Variants in NAA15 observed in about 807,000 individuals in gnomAD.
The protein encoded by NAA15 is N-terminal acetyltransferase.
A neutral mutation model predicts 114.0 loss-of-function variants in NAA15; 34 were observed. The observed-to-expected ratio is 0.30, with a 90% CI of 0.23 to 0.40. The LOEUF (loss-of-function observed/expected upper bound fraction) is 0.40, where lower values mean the gene tolerates loss of function less well. Ranked by LOEUF, NAA15 falls within the 10% of genes least tolerant of loss-of-function variation. The probability of loss-of-function intolerance (pLI) is 1.00; values close to 1 mark genes in which losing one functional copy is unlikely to be tolerated. For synonymous variants in NAA15, 340 were observed against 338.0 expected, an observed-to-expected ratio of 1.01 and a Z score of -0.06; for missense variants, 658 against 1,004.5, an observed-to-expected ratio of 0.66 and a Z score of 4.66.
intron 1 of NAA15, among the ~76,000 whole-genome samples, chr4:139,314,990 GTTCA>G (rs1746335687): frequency 4.5e-5 from 3 of 67,184 alleles, no homozygotes; most frequent in African/African-American, 7.6e-5. Context: ...GAAGCGTTCA[GTTCA>G]GTTCAGTTTA....
intron 16 of NAA15, among the ~76,000 whole-genome samples, chr4:139,377,309 G>T (rs1748617400): frequency 6.6e-6 from 1 of 152,152 alleles, no homozygotes; most frequent in South Asian, 2.1e-4. Flanking sequence ...GGCCGAGGCA[G>T]GTGGATCACC....
intron 1 of NAA15, among the ~76,000 whole-genome samples, chr4:139,304,586 T>C (rs1170606150): frequency 6.6e-6 from 1 of 152,260 alleles, no homozygotes; most frequent in Non-Finnish European, 1.5e-5. Context: ...AGATTACTTA[T>C]AATACCTAAT....
At chr4:139,340,191 G>A (rs571541369) in intron 3 of NAA15, among the ~76,000 whole-genome samples, 1 of 152,160 alleles carries the variant, frequency 6.6e-6, no homozygotes, top group South Asian at 2.1e-4. Context: ...GCATGCTGGT[G>A]TGTGCCTGTA....
At chr4:139,376,007 G>T (rs574664120) in intron 15 of NAA15, among the ~76,000 whole-genome samples, 91 of 152,168 alleles carry the variant, frequency 6.0e-4, no homozygotes, top group African/African-American at 2.1e-3. Context: ...TTCTGTCATG[G>T]TCTCTGTAGT....
chr4:139,315,759 TTC>T (rs1011312730), intron 1 of NAA15, among the ~76,000 whole-genome samples: 5 of 151,880 alleles, frequency 3.3e-5, no homozygotes, highest in Non-Finnish European at 5.9e-5. Flanking sequence ...GGGTCTTATA[TTC>T]TGTTTGATGT....
At chr4:139,343,694 C>G (rs1000071133) in intron 5 of NAA15, among the ~76,000 whole-genome samples, 1 of 152,204 alleles carries the variant, frequency 6.6e-6, no homozygotes, top group Admixed American at 6.5e-5. Flanking sequence ...TCAGTTCGTT[C>G]CATTTGATTA....
chr4:139,312,262 T>G (rs550613229), intron 1 of NAA15, among the ~76,000 whole-genome samples: 2 of 152,096 alleles, frequency 1.3e-5, no homozygotes, highest in South Asian at 4.1e-4. Flanking sequence ...GTGAAGAGGC[T>G]TAAATTCAGT....
At chr4:139,350,833 A>G (rs903810665) in intron 7 of NAA15, among the ~76,000 whole-genome samples, 1 of 152,210 alleles carries the variant, frequency 6.6e-6, no homozygotes, top group Admixed American at 6.5e-5. Flanking sequence ...ATTGAATGGA[A>G]GAGAGGCCAT....
At chr4:139,307,583 T>C (rs910884844) in intron 1 of NAA15, among the ~76,000 whole-genome samples, 3 of 152,226 alleles carry the variant, frequency 2.0e-5, no homozygotes, top group African/African-American at 7.2e-5. Context: ...CATGTAATTA[T>C]TGCACACTTG....
chr4:139,378,946 G>T (rs1402153327), intron 17 of NAA15, 92 bp downstream of exon 17: 3 of 781,606 alleles, frequency 3.8e-6, no homozygotes, highest in Non-Finnish European at 6.1e-6. Flanking sequence ...TAAACCAAAT[G>T]ATTTTAAAGC....
intron 1 of NAA15, among the ~76,000 whole-genome samples, chr4:139,315,006 T>TTTAGTTTAGTTTAGGTTAGTTTAGG (rs773285130): frequency 0.024 from 2,461 of 101,334 alleles, 104 homozygotes; most frequent in Middle Eastern, 0.066. Context: ...TTCAGTTTAG[T>TTTAGTTTAGTTTAGGTTAGTTTAGG]TTAGGTTAGG....
At chr4:139,304,022 A>G (rs929180606) in intron 1 of NAA15, among the ~76,000 whole-genome samples, 3 of 152,190 alleles carry the variant, frequency 2.0e-5, no homozygotes, top group East Asian at 1.9e-4. Flanking sequence ...GGTTGACGCC[A>G]TTCTCCTGCC....
In NAA15 at chr4:139,330,895, C is replaced by T. The variant is rs575125813; in HGVS notation, c.55-3279C>T. The stretch of plus-strand genomic sequence containing the variant: ...GCTGTAGTGTGAACTTAATTGATTT[C>T]TTCATGCTAAAATGTGAAATTTTAC... On this transcript the variant is annotated intron_variant, in intron 1 of 19. Coordinates refer to ENST00000296543, the MANE Select transcript of NAA15 (RefSeq NM_057175.5). Among the ~76,000 whole-genome samples the T allele has an allele frequency of 2.6e-5, 4 of 152,236 alleles. No homozygotes were observed. In the East Asian group the frequency reaches 5.8e-4, roughly 22 times the overall value.
chr4:139,385,933 C>T (rs370671905), intron 18 of NAA15, among the ~76,000 whole-genome samples, 200 bp from the exon 19 acceptor site: 1 of 152,132 alleles, frequency 6.6e-6, no homozygotes, highest in African/African-American at 2.4e-5. Context: ...CTCTATTGTT[C>T]TCTTTCTTTG....
At chr4:139,324,465 A>G (rs1388747453) in intron 1 of NAA15, among the ~76,000 whole-genome samples, 1 of 152,222 alleles carries the variant, frequency 6.6e-6, no homozygotes, top group Non-Finnish European at 1.5e-5. Context: ...GTAGACCTGT[A>G]TTTCTGTTTA....
At chr4:139,306,289 G>C (rs1283339549) in intron 1 of NAA15, among the ~76,000 whole-genome samples, 2 of 152,154 alleles carry the variant, frequency 1.3e-5, no homozygotes, top group East Asian at 1.9e-4. Context: ...ACCCAGGCTG[G>C]AGTGCAGTGG....
At chr4:139,317,755 A>T (rs1379396293) in intron 1 of NAA15, among the ~76,000 whole-genome samples, 1 of 152,204 alleles carries the variant, frequency 6.6e-6, no homozygotes, top group Non-Finnish European at 1.5e-5. Context: ...GTTTTGTATA[A>T]TTGGATAATT....
chr4:139,348,264 G>A (rs1458977821), intron 6 of NAA15, among the ~76,000 whole-genome samples: 2 of 151,982 alleles, frequency 1.3e-5, no homozygotes, highest in African/African-American at 2.4e-5. Flanking sequence ...GACCAGCCTG[G>A]GCAAAATGGC....
intron 1 of NAA15, among the ~76,000 whole-genome samples, chr4:139,316,593 C>A (rs188540959): frequency 1.3e-5 from 2 of 151,824 alleles, no homozygotes; most frequent in Non-Finnish European, 2.9e-5. Flanking sequence ...TCTCTGTAAG[C>A]GTTTTTGATG....
Sources: allele counts gnomAD v4.1 joint callset (sites outside exome capture counted in the v4.1 genomes callset), GRCh38; gene constraint gnomAD v4.1.1; transcripts MANE v1.5; gene names NCBI Gene and HGNC (gene_info 2026-07-23, HGNC 2026-07-21).